The following IRAK3 variants were observed in gnomAD, a reference collection of about 807,000 sequenced individuals.
IRAK3 encodes interleukin-1 receptor-associated kinase 3.
In IRAK3, 57 loss-of-function variants were observed where a neutral mutation model predicts 56.6. The observed-to-expected ratio is 1.01, with a 90% CI of 0.81 to 1.26. The LOEUF (loss-of-function observed/expected upper bound fraction) is 1.26. IRAK3 is among the 50% of genes most tolerant of loss of function. IRAK3 has a pLI of 0.00. For synonymous variants in IRAK3, 258 were observed against 255.7 expected, an observed-to-expected ratio of 1.01 and a Z score of -0.09; for missense variants, 703 against 719.0, an observed-to-expected ratio of 0.98 and a Z score of 0.25.
Position 66,248,353 on chromosome 12 carries a change from C to T in IRAK3, c.*182C>T, listed in dbSNP as rs1046824749. The T allele has an allele frequency of 4.6e-5, 25 of 539,208 alleles. No homozygotes were observed. Among genetic ancestry groups the T allele is most frequent in the South Asian group, 3.7e-4 (13 of 34,862 alleles). The allele number at this position is 539,208 out of a possible 1,614,324, so 33.4% of individuals were successfully genotyped here. A position where few individuals can be genotyped will look rare whatever the true frequency, so the allele number is the denominator to read the frequency against. On this transcript the variant is annotated 3_prime_UTR_variant, in exon 12 of 12. Transcript: ENST00000261233. ...TTTTCCCAAACCCTCAAACAGAGTG[C>T]CTTAAAAAATTGTTTTATCAGGATA...
rs1485916109 is a variant in IRAK3, at chr12:66,189,321, C to A, written c.22C>A (p.Arg8Ser). 3.3e-6 allele frequency: 5 copies of A among 1,533,796 alleles called. No homozygotes were observed. Among genetic ancestry groups the A allele is most frequent in the South Asian group, 2.4e-5 (2 of 84,056 alleles). The change falls in exon 1 of 12, where the codon CGC (arginine) becomes AGC (serine). Residue 8 changes from arginine to serine, a missense_variant. Physicochemically the swap from Arg to Ser is moderately radical, Grantham distance 110. Coordinates refer to ENST00000261233, the MANE Select transcript of IRAK3 (RefSeq NM_007199.3). MAGNCGA[R>S]GALSAHTLLF... The stretch of plus-strand genomic sequence containing the variant: ...AGCCATGGCGGGGAACTGTGGGGCC[C>A]GCGGCGCGCTGTCGGCGCACACGCT...
In IRAK3 at chr12:66,219,239, CCACCCAAAT is replaced by C. The variant is rs1054788520; in HGVS notation, c.653+2006_653+2014del. On this transcript the variant is annotated intron_variant, in intron 6 of 11. Transcript: ENST00000261233. ...CCTGATATGGTTTGGTTCTGTGTCC[CCACCCAAAT>C]CTCATCCTGAATATACTCCCATAGT... Among the ~76,000 whole-genome samples, 48 of 152,226 alleles carry C rather than the reference CCACCCAAAT, an allele frequency of 3.2e-4. 1 individual carries two copies. Among genetic ancestry groups the C allele is most frequent in the Admixed American group, 1.0e-3 (16 of 15,290 alleles).
chr12:66,196,797 C>A, intron 1 of IRAK3: 3 of 1,335,482 alleles, frequency 2.2e-6, no homozygotes, highest in Middle Eastern at 2.6e-4. Context: ...ATGTCTTTAA[C>A]CTTAAAAGTT....
At chr12:66,242,057 A>T (rs1388886264) in intron 8 of IRAK3, among the ~76,000 whole-genome samples, 1 of 152,116 alleles carries the variant, frequency 6.6e-6, no homozygotes, top group Non-Finnish European at 1.5e-5. Context: ...TGTCAATTAT[A>T]ATTCTATGCC....
rs1262347615 is a variant in IRAK3 at position 66,247,925 on chromosome 12, G to A, written c.1545G>A (p.Met515Ile). The change falls in exon 12 of 12, where the codon ATG becomes ATA. Residue 515 changes from methionine to isoleucine, a missense_variant. Transcript: ENST00000261233. ...TPFECSQSEV[M>I]FLSLDKKPES... ...TTGAATGCAGCCAGTCTGAGGTTAT[G>A]TTTCTGAGCTTGGACAAAAAGCCAG... 6.2e-6 allele frequency: 10 copies of A among 1,614,066 alleles called. No homozygotes were observed. The highest frequency in any genetic ancestry group is 1.3e-5 in the African/African-American group (1 of 74,932).
intron 5 of IRAK3, among the ~76,000 whole-genome samples, chr12:66,213,745 A>T (rs539216036): frequency 2.0e-5 from 3 of 151,620 alleles, no homozygotes; most frequent in African/African-American, 7.3e-5. Context: ...TTTTTTGTAA[A>T]TCTAAATCTG....
intron 1 of IRAK3, among the ~76,000 whole-genome samples, chr12:66,193,205 G>A (rs1013792229): frequency 3.3e-5 from 5 of 151,974 alleles, no homozygotes; most frequent in Admixed American, 6.6e-5. Context: ...TAGAGACAGG[G>A]TTTCTCCATG....
chr12:66,239,409 G>A (rs1319433681), intron 8 of IRAK3, among the ~76,000 whole-genome samples: 1 of 152,010 alleles, frequency 6.6e-6, no homozygotes, highest in African/African-American at 2.4e-5. Flanking sequence ...TGGGAAGAGG[G>A]CATAGGGGGC....
At position 66,202,954 on chromosome 12, in the gene IRAK3, A is replaced by G. The variant is rs367904618; in HGVS notation, c.134-757A>G. ...TGGTAAAATAAATATCCATGAGCCC[A>G]TAGATATAAATAAACAACTGGATAA... On this transcript the variant is annotated intron_variant, in intron 1 of 11. Transcript: ENST00000261233. 1.4e-3 allele frequency among the ~76,000 whole-genome samples: 219 copies of G among 152,294 alleles called. 4 individuals are homozygous for G. The highest frequency in any genetic ancestry group is 5.2e-3 in the African/African-American group (216 of 41,572).
intron 8 of IRAK3, among the ~76,000 whole-genome samples, chr12:66,236,530 T>C (rs946836554): frequency 6.6e-5 from 10 of 151,390 alleles, no homozygotes; most frequent in Admixed American, 1.3e-4. Context: ...ATTGCATCAC[T>C]GCACTACAGT....
chr12:66,224,512 A>C (rs989309696), intron 6 of IRAK3, among the ~76,000 whole-genome samples: 1 of 152,210 alleles, frequency 6.6e-6, no homozygotes, highest in Admixed American at 6.5e-5. Context: ...CTGAAGGATG[A>C]GGTTTCTTTA....
At chr12:66,195,268 C>T (rs538177082) in intron 1 of IRAK3, among the ~76,000 whole-genome samples, 14 of 152,298 alleles carry the variant, frequency 9.2e-5, no homozygotes, top group South Asian at 2.1e-4. Context: ...CCACTGCCAC[C>T]GTAACCATCT....
intron 9 of IRAK3, 93 bp downstream of exon 9, chr12:66,244,777 A>G: frequency 8.3e-7 from 1 of 1,207,722 alleles, no homozygotes; most frequent in Non-Finnish European, 1.2e-6. Flanking sequence ...CTTTTGACTC[A>G]TTGATTTCCT....
intron 1 of IRAK3, among the ~76,000 whole-genome samples, chr12:66,196,438 G>A (rs2052453974): frequency 6.6e-6 from 1 of 152,134 alleles, no homozygotes; most frequent in Non-Finnish European, 1.5e-5. Context: ...AAGAATGTGT[G>A]GGGAAATAGT....
At chr12:66,228,478 GT>G in intron 8 of IRAK3, 108 bp downstream of exon 8, 1 of 811,690 alleles carries the variant, frequency 1.2e-6, no homozygotes, top group South Asian at 1.4e-5. Context: ...ATGTATGTGT[GT>G]GTGTTAAGAA....
intron 7 of IRAK3, among the ~76,000 whole-genome samples, chr12:66,227,667 G>A (rs1451123463): frequency 6.6e-6 from 1 of 151,978 alleles, no homozygotes; most frequent in Non-Finnish European, 1.5e-5. Context: ...GCGGAGGCAG[G>A]AGAGTTGCTT....
At chr12:66,234,846 G>A (rs1488881829) in intron 8 of IRAK3, 24 of 1,609,806 alleles carry the variant, frequency 1.5e-5, no homozygotes, top group Non-Finnish European at 2.0e-5. Context: ...TCCATGGAGA[G>A]TGGCAAATTA....
intron 1 of IRAK3, among the ~76,000 whole-genome samples, chr12:66,202,652 G>A (rs990553030): frequency 2.6e-5 from 4 of 151,528 alleles, no homozygotes; most frequent in Admixed American, 2.6e-4. Context: ...ATACAAAAAT[G>A]TGCTGGGCAT....
At chr12:66,232,520 T>C (rs548231025) in intron 8 of IRAK3, among the ~76,000 whole-genome samples, 1 of 152,332 alleles carries the variant, frequency 6.6e-6, no homozygotes, top group African/African-American at 2.4e-5. Flanking sequence ...TCAGTTCATT[T>C]GGGCCACTGA....
Sources: allele counts gnomAD v4.1 joint callset (sites outside exome capture counted in the v4.1 genomes callset), GRCh38; gene constraint gnomAD v4.1.1; transcripts MANE v1.5; gene names NCBI Gene and HGNC (gene_info 2026-07-23, HGNC 2026-07-21).